The following BAIAP2 variants were observed in gnomAD, a reference collection of about 807,000 sequenced individuals.
BAIAP2 encodes the protein BAR/IMD domain-containing adapter protein 2.
Under a neutral mutation model 63.0 loss-of-function variants are expected in BAIAP2, and 18 were observed. The ratio of observed to expected loss-of-function variants is 0.29; its 90% CI spans 0.20 to 0.42. The LOEUF is 0.42. BAIAP2 is among the 10% of genes least tolerant of loss of function. The pLI is 1.00. For missense variants in BAIAP2, 610 were observed against 734.3 expected, an observed-to-expected ratio of 0.83 and a Z score of 1.96; for synonymous variants, 386 against 307.6, an observed-to-expected ratio of 1.25 and a Z score of -2.67.
intron 3 of BAIAP2, among the ~76,000 whole-genome samples, chr17:81,077,097 A>G (rs2053783259): frequency 6.6e-6 from 1 of 152,220 alleles, no homozygotes; most frequent in African/African-American, 2.4e-5. Flanking sequence ...TGTTGGGAAT[A>G]GGCCGCTCCA....
Position 81,035,231 on chromosome 17 carries a change from G to A in BAIAP2, c.-24G>A, listed in dbSNP as rs375927711. 6.0e-6 allele frequency: 9 copies of A among 1,490,410 alleles called. No individual in the cohort carries two copies. The highest frequency in any genetic ancestry group is 8.1e-6 in the Non-Finnish European group (9 of 1,113,518). The allele number at this position is 1,490,410 out of a possible 1,614,324, so 92.3% of individuals were successfully genotyped here. On this transcript the variant is annotated 5_prime_UTR_variant, in exon 1 of 14. The change creates a new upstream start codon in the 5' untranslated region. Coordinates refer to ENST00000428708, the MANE Select transcript of BAIAP2 (RefSeq NM_001144888.2). ...CCGCTTGCGTCCCCCGCTCCGGTCT[G>A]TGGTGCAGCCGGGACCCAGGACCAT...
chr17:81,057,698 C>T, intron 2 of BAIAP2, 183 bp from the exon 3 acceptor site: 7 of 1,381,882 alleles, frequency 5.1e-6, no homozygotes, highest in Non-Finnish European at 6.5e-6. Context: ...TGGGGTGAAA[C>T]AAGAATATCA....
intron 1 of BAIAP2, among the ~76,000 whole-genome samples, chr17:81,052,712 A>G (rs2048862013): frequency 1.3e-5 from 2 of 149,404 alleles, no homozygotes; most frequent in African/African-American, 4.9e-5. Flanking sequence ...GGCTGAGGCC[A>G]GGTGCTGGGA....
intron 3 of BAIAP2, among the ~76,000 whole-genome samples, chr17:81,063,123 G>A (rs1183361234): frequency 6.6e-6 from 1 of 152,154 alleles, no homozygotes; most frequent in Non-Finnish European, 1.5e-5. Flanking sequence ...GAGGGGTGAA[G>A]GAGAGGGGCA....
Position 81,103,087 on chromosome 17 carries a change from C to T in BAIAP2, c.643-415C>T, listed in dbSNP as rs768733831. ...TGTGTCTGACGGGGCTGCCTTCCTG[C>T]CCTCGGCAGCCAGGCCTGACCCCCA... On this transcript the variant is annotated intron_variant, in intron 7 of 13. Coordinates refer to ENST00000428708, the MANE Select transcript of BAIAP2 (RefSeq NM_001144888.2). Among the ~76,000 whole-genome samples, 23 of 152,312 alleles carry T rather than the reference C, an allele frequency of 1.5e-4. No individual in the cohort carries two copies. In the Middle Eastern group the frequency reaches 0.01, roughly 68 times the overall value.
At position 81,086,347 on chromosome 17, in the gene BAIAP2, T is replaced by C. The variant is rs567174974; in HGVS notation, c.352-96T>C. ...TGGCAGGGCTGGCAAGGGGACCCCG[T>C]TGCGTTGGGCTCATGGGCCTCGGTT... On this transcript the variant is annotated intron_variant, in intron 5 of 13. Coordinates refer to ENST00000428708, the MANE Select transcript of BAIAP2 (RefSeq NM_001144888.2). 402 of 1,482,602 alleles carry C rather than the reference T, an allele frequency of 2.7e-4. 1 individual carries two copies. Among genetic ancestry groups the C allele is most frequent in the Middle Eastern group, 6.3e-4 (3 of 4,754 alleles). The allele number at this position is 1,482,602 out of a possible 1,614,324, so 91.8% of individuals were successfully genotyped here.
chr17:81,035,707 C>CGGGGCGGCGGGGGCGGCG (rs564873589), intron 1 of BAIAP2, among the ~76,000 whole-genome samples: 17 of 151,874 alleles, frequency 1.1e-4, no homozygotes, highest in African/African-American at 3.6e-4. Context: ...CGGGCAGGGC[C>CGGGGCGGCGGGGGCGGCG]GGGGCGGCGG....
chr17:81,100,178 G>A, intron 7 of BAIAP2, 98 bp downstream of exon 7: 21 of 1,427,214 alleles, frequency 1.5e-5, no homozygotes, highest in Non-Finnish European at 1.9e-5. Flanking sequence ...ACACACCGGG[G>A]CAGTGTCCAG....
chr17:81,036,317 C>T (rs888053426), intron 1 of BAIAP2, among the ~76,000 whole-genome samples: 1 of 152,240 alleles, frequency 6.6e-6, no homozygotes, highest in Admixed American at 6.5e-5. Flanking sequence ...TCTGCAGGTT[C>T]AGTGACAGGC....
At chr17:81,042,879 A>T (rs1395336886) in intron 1 of BAIAP2, among the ~76,000 whole-genome samples, 1 of 151,360 alleles carries the variant, frequency 6.6e-6, no homozygotes, top group East Asian at 1.9e-4. Context: ...TTTTATTTTA[A>T]TTTAATTTAA....
chr17:81,070,409 C>G (rs990229522), intron 3 of BAIAP2, among the ~76,000 whole-genome samples: 1 of 152,210 alleles, frequency 6.6e-6, no homozygotes. Flanking sequence ...ACCTTGGTCA[C>G]TTGTGGCCAA....
chr17:81,089,243 A>AG (rs1426167221), intron 6 of BAIAP2, among the ~76,000 whole-genome samples: 1 of 152,090 alleles, frequency 6.6e-6, no homozygotes, highest in Non-Finnish European at 1.5e-5. Context: ...TTGGTGCCTC[A>AG]GGGGCCCTGG....
chr17:81,110,006 T>G (rs928658718), intron 13 of BAIAP2: 5 of 985,368 alleles, frequency 5.1e-6, no homozygotes, highest in Non-Finnish European at 6.0e-6. Flanking sequence ...TCTTTTTGTG[T>G]GTCTTGGTGA....
intron 3 of BAIAP2, among the ~76,000 whole-genome samples, chr17:81,060,164 C>G (rs3934492): frequency 0.32 from 48,136 of 152,076 alleles, 8,163 homozygotes; most frequent in East Asian, 0.43. Flanking sequence ...AGGTTTTCTT[C>G]CCGGTAACAG....
In BAIAP2 at chr17:81,073,143, A is replaced by G. The variant is rs371272492; in HGVS notation, c.218-11689A>G. Among the ~76,000 whole-genome samples the G allele has an allele frequency of 3.5e-3, 534 of 152,110 alleles. 9 individuals are homozygous for G. In the South Asian group the frequency reaches 0.04, roughly 11 times the overall value. The stretch of plus-strand genomic sequence containing the variant: ...AGGTGGCGTGGGGCCTTCTGTCCCC[A>G]TGACCCTCCAGCGGCCCCTCCCCAT... On this transcript the variant is annotated intron_variant, in intron 3 of 13. Transcript: ENST00000428708.
At chr17:81,105,919 G>T (rs2059129340) in intron 10 of BAIAP2, 159 bp from the exon 11 acceptor site, 3 of 626,584 alleles carry the variant, frequency 4.8e-6, no homozygotes, top group Non-Finnish European at 8.3e-6. Context: ...GTGGGAGCGG[G>T]CTGCGGTCTT....
chr17:81,055,052 C>T (rs761097744), intron 2 of BAIAP2, among the ~76,000 whole-genome samples: 3 of 152,200 alleles, frequency 2.0e-5, no homozygotes, highest in Admixed American at 6.5e-5. Flanking sequence ...TTCCGGGACA[C>T]GTGCTGCGTC....
intron 6 of BAIAP2, among the ~76,000 whole-genome samples, chr17:81,099,470 A>C (rs1456750028): frequency 1.3e-5 from 2 of 152,040 alleles, no homozygotes; most frequent in East Asian, 1.9e-4. Flanking sequence ...GGGGCCCTGG[A>C]GGCAGAGGCA....
chr17:81,116,572 AG>A lies in BAIAP2; in HGVS notation c.*734del. On this transcript the variant is annotated 3_prime_UTR_variant, in exon 14 of 14. Transcript: ENST00000428708. ...CTGTCAGGTGCTATGCGGGGTCACC[AG>A]CAGAGTGCCCGCTGGCAGGTGGGGG... 3 of 507,048 alleles carry A rather than the reference AG, an allele frequency of 5.9e-6. No homozygotes were observed. The highest frequency in any genetic ancestry group is 1.1e-5 in the Non-Finnish European group (3 of 281,404). 31.4% of individuals were successfully genotyped at this position (507,048 alleles called of 1,614,324 possible). A position where few individuals can be genotyped will look rare whatever the true frequency, so the allele number is the denominator to read the frequency against.
Sources: allele counts gnomAD v4.1 joint callset (sites outside exome capture counted in the v4.1 genomes callset), GRCh38; gene constraint gnomAD v4.1.1; transcripts MANE v1.5; gene names NCBI Gene and HGNC (gene_info 2026-07-23, HGNC 2026-07-21).